Variants in FBXL2 observed in about 807,000 individuals in gnomAD.
FBXL2 encodes the protein F-box/LRR-repeat protein 2.
FBXL2 carries 38 observed loss-of-function variants against 69.2 expected under a neutral mutation model. The observed-to-expected ratio is 0.55, with a 90% confidence interval of 0.42 to 0.72. FBXL2 has a LOEUF of 0.72. Ranked by LOEUF, FBXL2 falls within the 30% of genes least tolerant of loss-of-function variation. The pLI is 0.00. For missense variants in FBXL2, 354 were observed against 520.3 expected, an observed-to-expected ratio of 0.68 and a Z score of 3.11; for synonymous variants, 192 against 201.3, an observed-to-expected ratio of 0.95 and a Z score of 0.39.
chr3:33,332,425 T>C (rs2039236931), intron 2 of FBXL2, among the ~76,000 whole-genome samples: 1 of 152,210 alleles, frequency 6.6e-6, no homozygotes, highest in Admixed American at 6.5e-5. Flanking sequence ...AATTCCACTT[T>C]TAGGTATATA....
chr3:33,382,290 C>T (rs182092969), intron 13 of FBXL2, among the ~76,000 whole-genome samples: 1 of 152,274 alleles, frequency 6.6e-6, no homozygotes, highest in Admixed American at 6.5e-5. Context: ...TAGAAAAGCA[C>T]ATTTATCATT....
chr3:33,321,075 C>A (rs1029285847), intron 2 of FBXL2, among the ~76,000 whole-genome samples: 1 of 151,644 alleles, frequency 6.6e-6, no homozygotes, highest in Non-Finnish European at 1.5e-5. Context: ...TTTGGGAGGC[C>A]GAGGCAGATG....
At chr3:33,339,892 C>T (rs1383365873) in intron 2 of FBXL2, among the ~76,000 whole-genome samples, 1 of 152,126 alleles carries the variant, frequency 6.6e-6, no homozygotes, top group Non-Finnish European at 1.5e-5. Flanking sequence ...TGTCACTTAA[C>T]CACAGCATGG....
intron 1 of FBXL2, among the ~76,000 whole-genome samples, chr3:33,279,356 C>T (rs111934244): frequency 0.03 from 4,570 of 152,040 alleles, 94 homozygotes; most frequent in Admixed American, 0.062. Context: ...CTGCAAGCTC[C>T]GCCTCCCGGG....
At chr3:33,416,391 T>C in the FBXL2 span, among the ~76,000 whole-genome samples, 45 of 152,298 alleles carry the variant, frequency 3.0e-4, 1 homozygote, top group South Asian at 8.9e-3. Flanking sequence ...TGAACAGAGA[T>C]TTCTATTTTT....
chr3:33,294,797 C>G lies in FBXL2; in HGVS notation c.4-2867C>G, dbSNP rs1348903089. 2.7e-5 allele frequency among the ~76,000 whole-genome samples: 4 copies of G among 149,582 alleles called. No homozygotes were observed. The South Asian group carries it at 8.5e-4, about 32-fold the overall frequency. ...GGTTGAGACTGCATTGAGCTGTGAT[C>G]ATGCCACTGTACTCCAGTCTGACTG... is the stretch of plus-strand genomic sequence containing the variant. On this transcript the variant is annotated intron_variant, in intron 1 of 14. Coordinates refer to ENST00000484457, the MANE Select transcript of FBXL2 (RefSeq NM_012157.5).
At chr3:33,337,118 T>C (rs1559562447) in intron 2 of FBXL2, among the ~76,000 whole-genome samples, 1 of 151,796 alleles carries the variant, frequency 6.6e-6, no homozygotes, top group Non-Finnish European at 1.5e-5. Flanking sequence ...GGCAGGAGGA[T>C]CGCTTGAACC....
At chr3:33,390,405 G>A (rs763243312), downstream of FBXL2, 9 of 1,613,158 alleles carry the variant, frequency 5.6e-6, no homozygotes, top group African/African-American at 2.7e-5. Flanking sequence ...CTTCAGTCAG[G>A]CTTAGGAAAT....
chr3:33,281,198 C>T (rs1352898321), intron 1 of FBXL2, among the ~76,000 whole-genome samples: 1 of 152,130 alleles, frequency 6.6e-6, no homozygotes. Context: ...TCCGCCCTCC[C>T]CCTACCCCTC....
intron 4 of FBXL2, among the ~76,000 whole-genome samples, chr3:33,360,646 A>T (rs578054850): frequency 6.6e-6 from 1 of 152,112 alleles, no homozygotes; most frequent in Middle Eastern, 3.4e-3. Flanking sequence ...TTACAATAGT[A>T]CTCCACCTAA....
chr3:33,393,097 G>T, intron 12 of FBXL2: 1 of 500,866 alleles, frequency 2.0e-6, no homozygotes, highest in Non-Finnish European at 3.3e-6. Context: ...GGGCTGGGGG[G>T]AGGCTAAGCC....
At chr3:33,277,322 A>C (rs2033369625), upstream of FBXL2, 1 of 436,090 alleles carries the variant, frequency 2.3e-6, no homozygotes, top group Non-Finnish European at 3.8e-6. Context: ...GCCCAGTTCC[A>C]GGGCCGGGGG....
At chr3:33,392,368 A>T, downstream of FBXL2, 1 of 509,228 alleles carries the variant, frequency 2.0e-6, no homozygotes, top group South Asian at 3.5e-5. Flanking sequence ...TTTTCCAGTC[A>T]TCTAGAAAGA....
chr3:33,383,887 C>G (rs1349350229), intron 13 of FBXL2, 102 bp from the exon 14 acceptor site: 5 of 1,009,286 alleles, frequency 5.0e-6, no homozygotes, highest in Non-Finnish European at 7.6e-6. Context: ...GCTGTGTCAT[C>G]CCATTGCAGA....
the FBXL2 span, chr3:33,416,700 A>C: frequency 7.5e-7 from 1 of 1,332,788 alleles, no homozygotes; most frequent in Non-Finnish European, 1.0e-6. Flanking sequence ...TTTTTTTTAA[A>C]CAAAAACTCA....
In FBXL2 at chr3:33,373,218, A is replaced by T. The variant is rs1002877844; in HGVS notation, c.360-42A>T. On this transcript the variant is annotated intron_variant, in intron 6 of 14. Coordinates refer to ENST00000484457, the MANE Select transcript of FBXL2 (RefSeq NM_012157.5). ...GCCACGGGGAGAGAGAAGGGAGAGA[A>T]ACGTGGTTGAAAATATCTTTAGTGC... is the stretch of plus-strand genomic sequence containing the variant. 3 of 1,611,370 alleles carry T rather than the reference A, an allele frequency of 1.9e-6. No homozygotes were observed. In the African/African-American group the frequency reaches 4.0e-5, roughly 21 times the overall value.
chr3:33,380,142 T>C (rs1345940903), intron 13 of FBXL2, among the ~76,000 whole-genome samples: 1 of 151,168 alleles, frequency 6.6e-6, no homozygotes, highest in African/African-American at 2.4e-5. Context: ...GGGGAACTGC[T>C]TGAACCTGGG....
intron 2 of FBXL2, among the ~76,000 whole-genome samples, chr3:33,357,993 G>A (rs1469670699): frequency 6.6e-6 from 1 of 152,150 alleles, no homozygotes. Context: ...ACACTTTCAT[G>A]TTTTATGATT....
downstream of FBXL2, among the ~76,000 whole-genome samples, chr3:33,408,159 G>A (rs993737247): frequency 6.6e-6 from 1 of 151,954 alleles, no homozygotes; most frequent in African/African-American, 2.4e-5. Context: ...GCTCTTAGAA[G>A]CATAGACAGA....
Sources: allele counts gnomAD v4.1 joint callset (sites outside exome capture counted in the v4.1 genomes callset), GRCh38; gene constraint gnomAD v4.1.1; transcripts MANE v1.5; gene names NCBI Gene and HGNC (gene_info 2026-07-23, HGNC 2026-07-21).